Variants in TTC28 observed in about 807,000 individuals in gnomAD.
TTC28 encodes the protein tetratricopeptide repeat domain 28, also known as tetratricopeptide repeat protein 28.
In TTC28, 61 loss-of-function variants were observed where a neutral mutation model predicts 198.0. That is an observed-to-expected ratio of 0.31 (90% CI 0.25 to 0.38). The LOEUF (loss-of-function observed/expected upper bound fraction) is 0.38. Ranked by LOEUF, TTC28 falls within the 10% of genes least tolerant of loss-of-function variation. The pLI, the probability that TTC28 is intolerant of heterozygous loss-of-function variation, is 1.00. For missense variants in TTC28, 2,678 were observed against 3,164.0 expected (o/e 0.85, Z 3.69); for synonymous variants, 1,171 against 1,297.8 (o/e 0.90, Z 2.10).
At chr22:28,164,005 C>T (rs946442658) in intron 5 of TTC28, among the ~76,000 whole-genome samples, 2 of 152,230 alleles carry the variant, frequency 1.3e-5, no homozygotes, top group African/African-American at 4.8e-5. Flanking sequence ...ATATCCCGCA[C>T]CTGGCTCAGA....
intron 2 of TTC28, among the ~76,000 whole-genome samples, chr22:28,503,962 A>G (rs1465049276): frequency 1.3e-5 from 2 of 152,240 alleles, no homozygotes; most frequent in Non-Finnish European, 2.9e-5. Flanking sequence ...AGAATGGATC[A>G]ATAGTGAAAG....
At chr22:28,095,936 C>T (rs1355391654) in intron 11 of TTC28, among the ~76,000 whole-genome samples, 1 of 152,210 alleles carries the variant, frequency 6.6e-6, no homozygotes, top group Non-Finnish European at 1.5e-5. Context: ...AATTCTTCTG[C>T]TTTTAGTCTT....
At chr22:28,401,522 G>A (rs545265680) in intron 2 of TTC28, among the ~76,000 whole-genome samples, 8 of 152,046 alleles carry the variant, frequency 5.3e-5, no homozygotes, top group South Asian at 2.1e-4. Context: ...AGGCTGAGGC[G>A]AAAAATCACT....
At chr22:28,269,050 G>A (rs953728953) in intron 5 of TTC28, among the ~76,000 whole-genome samples, 7 of 152,024 alleles carry the variant, frequency 4.6e-5, no homozygotes, top group Non-Finnish European at 7.3e-5. Context: ...AACACCCAGC[G>A]GCCTTCTGGC....
In TTC28 at chr22:27,982,129, G is replaced by C; in HGVS notation, c.*92C>G. 2.3e-6 allele frequency: 3 copies of C among 1,282,448 alleles called. No homozygotes were observed. The highest frequency in any genetic ancestry group is 3.2e-6 in the Non-Finnish European group (3 of 951,946). The allele number at this position is 1,282,448 out of a possible 1,614,324, so 79.4% of individuals were successfully genotyped here. The stretch of plus-strand genomic sequence containing the variant: ...AGCACAGCATCATGAGGGTGCTGGT[G>C]GCTGTGGGGGGACTGCACTCAGGGA... On this transcript the variant is annotated 3_prime_UTR_variant, in exon 23 of 23. Coordinates refer to ENST00000397906, the MANE Select transcript of TTC28 (RefSeq NM_001145418.2). The surrounding 1 kb of genome is among the most constrained non-coding windows in gnomAD (Gnocchi z 5.2).
At chr22:28,572,425 GTATATC>G (rs1278224880) in intron 2 of TTC28, among the ~76,000 whole-genome samples, 2 of 152,108 alleles carry the variant, frequency 1.3e-5, no homozygotes, top group African/African-American at 2.4e-5. Context: ...ATAAATTATA[GTATATC>G]TATGTCAGTT....
At chr22:28,640,434 TGA>T in intron 1 of TTC28, among the ~76,000 whole-genome samples, 1 of 151,538 alleles carries the variant, frequency 6.6e-6, no homozygotes, top group Non-Finnish European at 1.5e-5. Context: ...TGAATACCAA[TGA>T]CCAAGAATTT....
At chr22:28,344,093 G>A (rs926802005) in intron 2 of TTC28, among the ~76,000 whole-genome samples, 3 of 151,158 alleles carry the variant, frequency 2.0e-5, no homozygotes, top group South Asian at 2.1e-4. Context: ...GTGAAACAAT[G>A]TATTAACCAC....
intron 2 of TTC28, among the ~76,000 whole-genome samples, chr22:28,339,882 G>C (rs2045800678): frequency 6.6e-6 from 1 of 152,100 alleles, no homozygotes; most frequent in Non-Finnish European, 1.5e-5. Context: ...ACACTCAGTG[G>C]GCTGCACCCA....
intron 1 of TTC28, among the ~76,000 whole-genome samples, chr22:28,635,478 T>TA (rs1411889784): frequency 2.6e-5 from 4 of 152,204 alleles, no homozygotes; most frequent in Non-Finnish European, 5.9e-5. Context: ...TTCATATACA[T>TA]ATAGCATAGG....
At chr22:28,175,567 A>G (rs1489548127) in intron 5 of TTC28, among the ~76,000 whole-genome samples, 1 of 152,070 alleles carries the variant, frequency 6.6e-6, no homozygotes, top group Non-Finnish European at 1.5e-5. Flanking sequence ...CCCCATCTCT[A>G]CTAAAAATAC....
chr22:28,461,407 T>A (rs1373111492), intron 2 of TTC28, among the ~76,000 whole-genome samples: 1 of 152,044 alleles, frequency 6.6e-6, no homozygotes, highest in Non-Finnish European at 1.5e-5. Flanking sequence ...CCCTACCACA[T>A]ACAATATCAA....
chr22:28,495,312 T>C (rs1229206254), intron 2 of TTC28, among the ~76,000 whole-genome samples: 1 of 152,162 alleles, frequency 6.6e-6, no homozygotes, highest in East Asian at 1.9e-4. Flanking sequence ...AAAAAGATTC[T>C]ATAAGCTTCC....
Position 28,669,971 on chromosome 22 carries a change from C to T in TTC28, c.102+9651G>A, listed in dbSNP as rs557728514. 2.0e-5 allele frequency among the ~76,000 whole-genome samples: 3 copies of T among 150,144 alleles called. No individual in the cohort carries two copies. In the East Asian group the frequency reaches 5.8e-4, roughly 29 times the overall value. On this transcript the variant is annotated intron_variant, in intron 1 of 22. Transcript: ENST00000397906. Reference sequence around the variant, plus strand: ...ATTTTTTATACACACAGTATATACTCTATTATATGTATACACAGAATACAA... The same window carrying T: ...ATTTTTTATACACACAGTATATACTTTATTATATGTATACACAGAATACAA...
At chr22:28,069,746 C>T (rs777324170) in intron 12 of TTC28, among the ~76,000 whole-genome samples, 2 of 152,026 alleles carry the variant, frequency 1.3e-5, no homozygotes, top group Non-Finnish European at 2.9e-5. Context: ...TTATCTATCC[C>T]TTTTCAACCT....
chr22:28,506,622 A>T (rs1457423023), intron 2 of TTC28, among the ~76,000 whole-genome samples: 1 of 152,060 alleles, frequency 6.6e-6, no homozygotes, highest in Non-Finnish European at 1.5e-5. Flanking sequence ...AGACCTCCCA[A>T]CAGGGGTCTC....
At chr22:28,282,451 C>T (rs1014990650) in intron 5 of TTC28, among the ~76,000 whole-genome samples, 3 of 152,118 alleles carry the variant, frequency 2.0e-5, no homozygotes, top group Non-Finnish European at 4.4e-5. Flanking sequence ...CCTGTGCTGT[C>T]GAATATGGCC....
intron 2 of TTC28, among the ~76,000 whole-genome samples, chr22:28,597,677 A>C (rs928985564): frequency 6.6e-6 from 1 of 152,242 alleles, no homozygotes; most frequent in East Asian, 1.9e-4. Context: ...CAGTATGGCA[A>C]CTAGCCAATA....
chr22:28,577,315 C>T (rs1601586219), intron 2 of TTC28, among the ~76,000 whole-genome samples: 1 of 151,988 alleles, frequency 6.6e-6, no homozygotes, highest in Non-Finnish European at 1.5e-5. Flanking sequence ...AGTTTTATTC[C>T]ATTGTGCTCA....
Sources: allele counts gnomAD v4.1 joint callset (sites outside exome capture counted in the v4.1 genomes callset), GRCh38; gene constraint gnomAD v4.1.1; non-coding constraint Gnocchi (gnomAD v3.1); transcripts MANE v1.5; gene names NCBI Gene and HGNC (gene_info 2026-07-23, HGNC 2026-07-21).